Variants in NOTO observed in about 807,000 individuals in gnomAD.
NOTO encodes homeobox protein notochord.
In NOTO, 19 loss-of-function variants were observed where a neutral mutation model predicts 20.5. The ratio of observed to expected loss-of-function variants is 0.93; its 90% confidence interval spans 0.65 to 1.36. The LOEUF is 1.36. Ranked by LOEUF, NOTO falls within the 40% of genes most tolerant of loss-of-function variation. The pLI, the probability that NOTO is intolerant of heterozygous loss-of-function variation, is 0.00. For missense variants in NOTO, 369 were observed against 336.2 expected (o/e 1.10, Z -0.76); for synonymous variants, 150 against 150.2 (o/e 1.00, Z 0.01).
Position 73,202,808 on chromosome 2 carries a change from C to T in NOTO, c.142C>T (p.Pro48Ser). ...TPRAPGRFESPFSVEAILARP... is the reference protein window; with the variant it reads ...TPRAPGRFESSFSVEAILARP... Reference sequence around the variant, plus strand: ...CCGCGCTCCCGGACGCTTCGAGTCCCCTTTCTCGGTCGAGGCCATCCTGGC... The same window carrying T: ...CCGCGCTCCCGGACGCTTCGAGTCCTCTTTCTCGGTCGAGGCCATCCTGGC... The change falls in exon 1 of 3, where the codon CCT (proline) becomes TCT (serine). Residue 48 changes from proline to serine, a missense_variant. Coordinates refer to ENST00000398468, the MANE Select transcript of NOTO (RefSeq NM_001134462.2). 3.9e-6 allele frequency: 6 copies of T among 1,526,680 alleles called. No individual in the cohort carries two copies. The highest frequency in any genetic ancestry group is 5.3e-6 in the Non-Finnish European group (6 of 1,142,664). 94.6% of individuals were successfully genotyped at this position (1,526,680 alleles called of 1,614,324 possible). A position where few individuals can be genotyped will look rare whatever the true frequency, so the allele number is the denominator to read the frequency against.
chr2:73,205,152 T>C (rs1322067782), intron 1 of NOTO, among the ~76,000 whole-genome samples: 1 of 152,164 alleles, frequency 6.6e-6, no homozygotes, highest in East Asian at 1.9e-4. Context: ...ACTGTTCTTG[T>C]ATTTTGCCCA....
Position 73,203,822 on chromosome 2 carries a change from C to T in NOTO, c.382+774C>T, listed in dbSNP as rs142613489. Among the ~76,000 whole-genome samples the T allele has an allele frequency of 9.5e-5, 9 of 94,882 alleles. 1 individual carries two copies. The highest frequency in any genetic ancestry group is 1.7e-4 in the Non-Finnish European group (8 of 46,244). The allele number at this position is 94,882 out of a possible 152,430, so 62.2% of individuals were successfully genotyped here. A position where few individuals can be genotyped will look rare whatever the true frequency, so the allele number is the denominator to read the frequency against. On this transcript the variant is annotated intron_variant, in intron 1 of 2. Transcript: ENST00000398468. Reference sequence around the variant, plus strand: ...TTTACTTAAAAGACAAAAAATTGGCCGGGCGCGGTGGCTCACGCCTGTAAT... The same window carrying T: ...TTTACTTAAAAGACAAAAAATTGGCTGGGCGCGGTGGCTCACGCCTGTAAT...
intron 1 of NOTO, 116 bp downstream of exon 1, chr2:73,203,164 C>A: frequency 1.1e-6 from 1 of 920,882 alleles, no homozygotes; most frequent in Non-Finnish European, 1.5e-6. Flanking sequence ...TCACACACGG[C>A]TGGAGTGGGA....
At chr2:73,203,366 C>G (rs1008940475) in intron 1 of NOTO, among the ~76,000 whole-genome samples, 8 of 152,122 alleles carry the variant, frequency 5.3e-5, no homozygotes, top group Non-Finnish European at 1.2e-4. Context: ...GCCCTGCTCC[C>G]GGTCTCCGCG....
Position 73,202,724 on chromosome 2 carries a change from C to T in NOTO, c.58C>T (p.Arg20Ter), listed in dbSNP as rs1686020963. 6.6e-7 allele frequency: 1 copy of T among 1,519,284 alleles called. No individual in the cohort carries two copies. Among genetic ancestry groups the T allele is most frequent in the Non-Finnish European group, 8.8e-7 (1 of 1,139,666 alleles). The allele number at this position is 1,519,284 out of a possible 1,614,324, so 94.1% of individuals were successfully genotyped here. Reference sequence around the variant, plus strand: ...ACCCGCTCCCTCGGGCTCTCGGGTCCGACCTCCGCGCTCTGGCCGCTCTCC... The same window carrying T: ...ACCCGCTCCCTCGGGCTCTCGGGTCTGACCTCCGCGCTCTGGCCGCTCTCC... The part of the protein sequence containing the change: ...PPPAPSGSRV[R>*]PPRSGRSPAP... The change falls in exon 1 of 3, where the codon CGA becomes TGA. Residue 20 changes from arginine (R) to a stop codon, truncating the protein, a stop_gained. Transcript: ENST00000398468. LOFTEE classifies it high-confidence loss of function.
chr2:73,207,037 C>A (rs1012643140), intron 1 of NOTO, among the ~76,000 whole-genome samples: 1 of 151,952 alleles, frequency 6.6e-6, no homozygotes, highest in Admixed American at 6.6e-5. Context: ...TCAGGCTATC[C>A]GCCTGCCTCA....
At chr2:73,205,771 G>A (rs1686080944) in intron 1 of NOTO, among the ~76,000 whole-genome samples, 1 of 151,888 alleles carries the variant, frequency 6.6e-6, no homozygotes, top group Admixed American at 6.6e-5. Flanking sequence ...GAGTAGCAGG[G>A]ACCACAGGCA....
At chr2:73,207,202 T>C (rs1234678410) in intron 1 of NOTO, among the ~76,000 whole-genome samples, 1 of 152,186 alleles carries the variant, frequency 6.6e-6, no homozygotes, top group Admixed American at 6.5e-5. Context: ...GTATGTCTGA[T>C]GGGCTTTTCC....
intron 1 of NOTO, among the ~76,000 whole-genome samples, chr2:73,205,399 G>C (rs1431603882): frequency 6.6e-6 from 1 of 152,070 alleles, no homozygotes; most frequent in African/African-American, 2.4e-5. Context: ...GGCGGGGGCT[G>C]AAGTGGGAGG....
chr2:73,207,416 T>C (rs536038662), intron 1 of NOTO, among the ~76,000 whole-genome samples: 2 of 152,186 alleles, frequency 1.3e-5, no homozygotes, highest in Non-Finnish European at 2.9e-5. Flanking sequence ...TACCCCCAGA[T>C]AGCCCAATGG....
rs1340883166 is a variant in NOTO, at chr2:73,205,649, T to C, written c.382+2601T>C. Among the ~76,000 whole-genome samples the C allele has an allele frequency of 3.3e-5, 5 of 152,316 alleles. No individual in the cohort carries two copies. In the Middle Eastern group the frequency reaches 0.01, roughly 311 times the overall value. ...TTGATGTGTTTTTACAAATCCTTTTTTTTTTCTTTTTTGAGACAGGTTCTC... is the reference window on the plus strand; with the variant it reads ...TTGATGTGTTTTTACAAATCCTTTTCTTTTTCTTTTTTGAGACAGGTTCTC... On this transcript the variant is annotated intron_variant, in intron 1 of 2. Transcript: ENST00000398468.
At chr2:73,208,772 GA>G (rs571978087) in intron 2 of NOTO, among the ~76,000 whole-genome samples, 158 bp downstream of exon 2, 12 of 147,336 alleles carry the variant, frequency 8.1e-5, no homozygotes, top group East Asian at 5.9e-4. Context: ...TCTATATAAT[GA>G]AAAAAAAAAG....
Position 73,202,606 on chromosome 2 carries a change from C to G in NOTO, c.-61C>G, listed in dbSNP as rs1225539391. On this transcript the variant is annotated 5_prime_UTR_variant, in exon 1 of 3. Transcript: ENST00000398468. Reference sequence around the variant, plus strand: ...AACCGGTCTTGCTCGCTGCCTTTTGCAGAATCTTCTCACTTCTCCCGAGCT... The same window carrying G: ...AACCGGTCTTGCTCGCTGCCTTTTGGAGAATCTTCTCACTTCTCCCGAGCT... 3 of 1,380,200 alleles carry G rather than the reference C, an allele frequency of 2.2e-6. No homozygotes were observed. In the African/African-American group the frequency reaches 4.6e-5, roughly 21 times the overall value. The allele number at this position is 1,380,200 out of a possible 1,614,324, so 85.5% of individuals were successfully genotyped here.
chr2:73,204,454 T>A (rs1686058486), intron 1 of NOTO, among the ~76,000 whole-genome samples: 1 of 152,204 alleles, frequency 6.6e-6, no homozygotes, highest in South Asian at 2.1e-4. Context: ...ACAAAGATAG[T>A]TGTAACACAG....
intron 1 of NOTO, among the ~76,000 whole-genome samples, chr2:73,204,098 C>CAAAAAA (rs1189040660): frequency 3.7e-5 from 1 of 27,378 alleles, no homozygotes. Flanking sequence ...AACTCCGTCT[C>CAAAAAA]AAAAAAAAAA....
At chr2:73,207,703 T>C (rs1457225403) in intron 1 of NOTO, among the ~76,000 whole-genome samples, 1 of 151,980 alleles carries the variant, frequency 6.6e-6, no homozygotes, top group Non-Finnish European at 1.5e-5. Flanking sequence ...TACAGGCATG[T>C]GCCACCATGC....
At chr2:73,205,441 T>C (rs1175983503) in intron 1 of NOTO, among the ~76,000 whole-genome samples, 1 of 152,022 alleles carries the variant, frequency 6.6e-6, no homozygotes, top group Admixed American at 6.6e-5. Context: ...GAGGTTGCAG[T>C]GAGCCGAGGT....
At chr2:73,209,408 T>G (rs529441761) in intron 2 of NOTO, among the ~76,000 whole-genome samples, 12 of 152,238 alleles carry the variant, frequency 7.9e-5, no homozygotes, top group Middle Eastern at 6.8e-3. Flanking sequence ...CCATCAAAAC[T>G]TCTCAGCAAG....
chr2:73,202,847 T>TGC lies in NOTO; in HGVS notation c.186_187dup (p.Pro63ArgfsTer42). 1 of 1,526,086 alleles carries TGC rather than the reference T, an allele frequency of 6.6e-7. No individual in the cohort carries two copies. The highest frequency in any genetic ancestry group is 8.8e-7 in the Non-Finnish European group (1 of 1,142,186). 94.5% of individuals were successfully genotyped at this position (1,526,086 alleles called of 1,614,324 possible). The stretch of plus-strand genomic sequence containing the variant: ...GGCCATCCTGGCGAGGCCCGACCCC[T>TGC]GCGCGCCGGCGGCCTCCCAGCCGTC... On this transcript the variant is annotated frameshift_variant, in exon 1 of 3. Transcript: ENST00000398468. LOFTEE classifies it high-confidence loss of function.
Sources: allele counts gnomAD v4.1 joint callset (sites outside exome capture counted in the v4.1 genomes callset), GRCh38; gene constraint gnomAD v4.1.1; transcripts MANE v1.5; gene names NCBI Gene and HGNC (gene_info 2026-07-23, HGNC 2026-07-21).